EXOC6B: variants seen among roughly 807,000 people sequenced by gnomAD.
EXOC6B encodes SEC15 homolog B.
EXOC6B carries 54 observed loss-of-function variants against 113.5 expected under a neutral mutation model. The ratio of observed to expected loss-of-function variants is 0.48; its 90% CI spans 0.38 to 0.60. The LOEUF (loss-of-function observed/expected upper bound fraction) is 0.60. Among genes scored for constraint, EXOC6B ranks in the 20% least tolerant of loss-of-function variants. EXOC6B has a pLI of 0.00. For missense variants in EXOC6B, 797 were observed against 977.5 expected (o/e 0.82, Z 2.46); for synonymous variants, 357 against 339.0 (o/e 1.05, Z -0.58).
intron 17 of EXOC6B, among the ~76,000 whole-genome samples, chr2:72,471,954 G>T (rs1039168353): frequency 2.0e-5 from 3 of 152,116 alleles, no homozygotes; most frequent in African/African-American, 7.2e-5. Flanking sequence ...TTTATCAAAT[G>T]CTTTTTCTGC....
chr2:72,617,134 T>A (rs1185254840), intron 6 of EXOC6B, among the ~76,000 whole-genome samples: 2 of 152,224 alleles, frequency 1.3e-5, no homozygotes, highest in East Asian at 3.8e-4. Context: ...CGCATCCAGG[T>A]CACTCTAATG....
chr2:72,723,314 A>C (rs188135691), intron 5 of EXOC6B, among the ~76,000 whole-genome samples: 3 of 152,328 alleles, frequency 2.0e-5, no homozygotes, highest in Admixed American at 2.0e-4. Context: ...AGAAAATAAA[A>C]GCAGAGAATA....
chr2:72,515,629 AAAC>A, intron 8 of EXOC6B: 1 of 989,252 alleles, frequency 1.0e-6, no homozygotes. Flanking sequence ...TAAACCCAAA[AAAC>A]AAAAACAAAA....
At chr2:72,525,737 C>A (rs1701719565) in intron 8 of EXOC6B, among the ~76,000 whole-genome samples, 1 of 151,960 alleles carries the variant, frequency 6.6e-6, no homozygotes, top group Admixed American at 6.6e-5. Flanking sequence ...TTAAAAAAAT[C>A]ATTAAGACTA....
chr2:72,411,260 A>G (rs1316137724), intron 18 of EXOC6B, among the ~76,000 whole-genome samples: 2 of 152,104 alleles, frequency 1.3e-5, no homozygotes, highest in African/African-American at 4.8e-5. Context: ...TAAATATAAT[A>G]ATACTTTTAG....
intron 1 of EXOC6B, among the ~76,000 whole-genome samples, chr2:72,770,936 C>T (rs928409384): frequency 7.9e-5 from 12 of 152,080 alleles, no homozygotes; most frequent in Non-Finnish European, 1.3e-4. Flanking sequence ...GTAGTGTCTT[C>T]CCCCTCGCCC....
chr2:72,676,114 T>C (rs1480902329), intron 6 of EXOC6B, among the ~76,000 whole-genome samples: 1 of 149,802 alleles, frequency 6.7e-6, no homozygotes. Flanking sequence ...ATGTGTACAA[T>C]TCATTCTAGT....
chr2:72,556,714 G>C (rs994395499), intron 8 of EXOC6B, among the ~76,000 whole-genome samples: 2 of 151,238 alleles, frequency 1.3e-5, no homozygotes, highest in Non-Finnish European at 2.9e-5. Context: ...GTAGTATAAA[G>C]TAAATACTCT....
chr2:72,716,821 G>A (rs1163422442), intron 6 of EXOC6B, among the ~76,000 whole-genome samples: 1 of 151,994 alleles, frequency 6.6e-6, no homozygotes, highest in African/African-American at 2.4e-5. Context: ...CATCAAAAGG[G>A]AAGTAAATTA....
At chr2:72,507,713 G>C (rs923646358) in intron 11 of EXOC6B, among the ~76,000 whole-genome samples, 2 of 151,786 alleles carry the variant, frequency 1.3e-5, no homozygotes, top group Non-Finnish European at 2.9e-5. Flanking sequence ...AAGGTATTTT[G>C]TCATTTATTC....
chr2:72,494,509 A>G (rs1699929698), intron 15 of EXOC6B, among the ~76,000 whole-genome samples: 1 of 152,162 alleles, frequency 6.6e-6, no homozygotes, highest in Admixed American at 6.5e-5. Context: ...ATAGTTAACA[A>G]AGAAGTGACT....
At chr2:72,457,461 C>A (rs555217426) in intron 18 of EXOC6B, among the ~76,000 whole-genome samples, 1 of 152,128 alleles carries the variant, frequency 6.6e-6, no homozygotes, top group East Asian at 1.9e-4. Context: ...AACCCACAAA[C>A]CAAGGTCGGC....
intron 6 of EXOC6B, among the ~76,000 whole-genome samples, chr2:72,620,725 C>T (rs1044147664): frequency 6.6e-6 from 1 of 151,840 alleles, no homozygotes; most frequent in African/African-American, 2.4e-5. Flanking sequence ...AGAAAACCTA[C>T]AGAATGGAAG....
intron 1 of EXOC6B, among the ~76,000 whole-genome samples, chr2:72,812,646 C>T (rs1434006777): frequency 6.6e-6 from 1 of 152,072 alleles, no homozygotes. Flanking sequence ...GCTAAGATTG[C>T]ACCACTGCAC....
At chr2:72,531,429 T>C (rs1465621398) in intron 8 of EXOC6B, among the ~76,000 whole-genome samples, 2 of 152,178 alleles carry the variant, frequency 1.3e-5, no homozygotes, top group African/African-American at 2.4e-5. Flanking sequence ...AATCAGAAAG[T>C]ACCGGCAAAT....
chr2:72,489,176 T>A (rs2105527666), intron 16 of EXOC6B, among the ~76,000 whole-genome samples: 1 of 152,348 alleles, frequency 6.6e-6, no homozygotes, highest in South Asian at 2.1e-4. Context: ...CAGGTGCTTT[T>A]TCTTCTCTCC....
At chr2:72,789,705 T>C (rs1323301079) in intron 1 of EXOC6B, among the ~76,000 whole-genome samples, 1 of 152,192 alleles carries the variant, frequency 6.6e-6, no homozygotes, top group Non-Finnish European at 1.5e-5. Context: ...CTTGCAGCTA[T>C]ATAATAAAAA....
In EXOC6B at chr2:72,541,304, C is replaced by G. The variant is rs541507834; in HGVS notation, c.915+18149G>C. ...AATTAAACTTCTTTTTCTTCCCAGT[C>G]TTGGGTTATGTCTTTATCAGCAATG... On this transcript the variant is annotated intron_variant, in intron 8 of 21. Coordinates refer to ENST00000272427, the MANE Select transcript of EXOC6B (RefSeq NM_015189.3). Among the ~76,000 whole-genome samples, 11 of 152,280 alleles carry G rather than the reference C, an allele frequency of 7.2e-5. No individual in the cohort carries two copies. The South Asian group carries it at 2.3e-3, about 32-fold the overall frequency.
chr2:72,492,570 T>C, intron 15 of EXOC6B, 141 bp from the exon 16 acceptor site: 1 of 503,412 alleles, frequency 2.0e-6, no homozygotes, highest in South Asian at 3.5e-5. Flanking sequence ...TCAGAAAAAG[T>C]ACTATAATAA....
Sources: allele counts gnomAD v4.1 joint callset (sites outside exome capture counted in the v4.1 genomes callset), GRCh38; gene constraint gnomAD v4.1.1; transcripts MANE v1.5; gene names NCBI Gene and HGNC (gene_info 2026-07-23, HGNC 2026-07-21).